Variants in BICRAL observed in about 807,000 individuals in gnomAD.
The protein encoded by BICRAL is BRD4-interacting chromatin-remodeling complex-associated protein-like.
A neutral mutation model predicts 91.8 loss-of-function variants in BICRAL; 8 were observed. The ratio of observed to expected loss-of-function variants is 0.09; its 90% confidence interval spans 0.05 to 0.16. BICRAL has a LOEUF of 0.16. Ranked by LOEUF, BICRAL falls within the 10% of genes least tolerant of loss-of-function variation. The pLI is 1.00. For synonymous variants in BICRAL, 445 were observed against 491.1 expected, an observed-to-expected ratio of 0.91 and a Z score of 1.24; for missense variants, 1,038 against 1,310.9, an observed-to-expected ratio of 0.79 and a Z score of 3.21.
upstream of BICRAL, among the ~76,000 whole-genome samples, chr6:42,780,334 T>G (rs140846460): frequency 1.3e-5 from 2 of 152,282 alleles, no homozygotes; most frequent in Non-Finnish European, 2.9e-5. Flanking sequence ...CATTTTTTTT[T>G]AATGCTTAAG....
chr6:42,778,694 T>C (rs1295198157), upstream of BICRAL, among the ~76,000 whole-genome samples: 6 of 152,134 alleles, frequency 3.9e-5, no homozygotes, highest in East Asian at 1.9e-4. Flanking sequence ...ACTGTTTTAT[T>C]GGAGGGCCCA....
At chr6:42,804,341 G>C (rs1286634377) in intron 1 of BICRAL, among the ~76,000 whole-genome samples, 9 of 152,128 alleles carry the variant, frequency 5.9e-5, no homozygotes, top group African/African-American at 1.9e-4. Context: ...ACTCTTAAGG[G>C]ACCATAATCA....
At chr6:42,847,903 G>A (rs1765066289) in intron 6 of BICRAL, among the ~76,000 whole-genome samples, 2 of 152,266 alleles carry the variant, frequency 1.3e-5, no homozygotes, top group South Asian at 2.1e-4. Context: ...GCCGAGGCGG[G>A]CGGATCATGA....
At chr6:42,805,190 T>C (rs1394683679) in intron 1 of BICRAL, among the ~76,000 whole-genome samples, 1 of 152,210 alleles carries the variant, frequency 6.6e-6, no homozygotes, top group Non-Finnish European at 1.5e-5. Flanking sequence ...GAATAATGGT[T>C]GTATTTTCAG....
intron 1 of BICRAL, among the ~76,000 whole-genome samples, chr6:42,776,261 A>G (rs553506300): frequency 6.6e-6 from 1 of 151,684 alleles, no homozygotes; most frequent in African/African-American, 2.4e-5. Context: ...CTGGTCTTGA[A>G]CTCCTGACAT....
chr6:42,843,612 C>T (rs559993633), intron 6 of BICRAL, among the ~76,000 whole-genome samples: 1 of 152,214 alleles, frequency 6.6e-6, no homozygotes, highest in East Asian at 1.9e-4. Flanking sequence ...GACAGTGACA[C>T]ACAGGTTCAC....
At chr6:42,832,268 G>T (rs957539715) in intron 6 of BICRAL, among the ~76,000 whole-genome samples, 1 of 150,918 alleles carries the variant, frequency 6.6e-6, no homozygotes, top group Admixed American at 6.6e-5. Flanking sequence ...GAATCACTTG[G>T]ACCTGGGAGG....
intron 9 of BICRAL, among the ~76,000 whole-genome samples, chr6:42,856,321 T>C (rs28548586): frequency 6.8e-6 from 1 of 147,104 alleles, no homozygotes. Context: ...TGTCTCAAAA[T>C]ATATACATAT....
chr6:42,857,636 T>TG, intron 10 of BICRAL, among the ~76,000 whole-genome samples: 1 of 102,054 alleles, frequency 9.8e-6, no homozygotes. Context: ...TATATATATA[T>TG]TTTTTAGGAG....
At chr6:42,817,267 C>T (rs1243270944) in intron 2 of BICRAL, among the ~76,000 whole-genome samples, 1 of 151,636 alleles carries the variant, frequency 6.6e-6, no homozygotes, top group South Asian at 2.1e-4. Flanking sequence ...GACCATATAT[C>T]CTACCAAGTT....
At chr6:42,828,041 G>A (rs1350483669) in intron 5 of BICRAL, among the ~76,000 whole-genome samples, 1 of 152,166 alleles carries the variant, frequency 6.6e-6, no homozygotes, top group Non-Finnish European at 1.5e-5. Context: ...TCATTATGAT[G>A]GAAATAAAAT....
At chr6:42,786,422 A>G (rs527519288) in intron 1 of BICRAL, among the ~76,000 whole-genome samples, 88 of 152,274 alleles carry the variant, frequency 5.8e-4, no homozygotes, top group African/African-American at 2.1e-3. Context: ...TTTTTATGGT[A>G]AATGCCAAAG....
At chr6:42,759,663 G>T (rs1762516597) in intron 1 of BICRAL, among the ~76,000 whole-genome samples, 1 of 152,180 alleles carries the variant, frequency 6.6e-6, no homozygotes, top group South Asian at 2.1e-4. Context: ...TACACATGCT[G>T]CTTGCTCCTG....
At chr6:42,773,017 C>T (rs760763127) in intron 1 of BICRAL, among the ~76,000 whole-genome samples, 2 of 151,922 alleles carry the variant, frequency 1.3e-5, no homozygotes, top group East Asian at 1.9e-4. Flanking sequence ...ACCCAATAAC[C>T]CAATGAGGTC....
chr6:42,822,348 C>G (rs1278768430), intron 3 of BICRAL, among the ~76,000 whole-genome samples: 2 of 151,540 alleles, frequency 1.3e-5, no homozygotes, highest in African/African-American at 4.8e-5. Flanking sequence ...CCACACGATC[C>G]TCCCACCTCA....
At chr6:42,834,737 T>C (rs1764593019) in intron 6 of BICRAL, among the ~76,000 whole-genome samples, 1 of 152,226 alleles carries the variant, frequency 6.6e-6, no homozygotes, top group Non-Finnish European at 1.5e-5. Flanking sequence ...CCAAATTGGC[T>C]GCTCATCCTT....
intron 1 of BICRAL, among the ~76,000 whole-genome samples, chr6:42,756,122 T>C (rs1035383214): frequency 2.0e-5 from 3 of 152,248 alleles, no homozygotes; most frequent in African/African-American, 7.2e-5. Context: ...CAATAGACTT[T>C]TAAAACAATA....
chr6:42,841,266 G>A (rs1226805425), intron 6 of BICRAL, among the ~76,000 whole-genome samples: 1 of 136,772 alleles, frequency 7.3e-6, no homozygotes, highest in Non-Finnish European at 1.5e-5. Flanking sequence ...TTGGCTCACT[G>A]CAACCTCCAC....
intron 1 of BICRAL, among the ~76,000 whole-genome samples, chr6:42,792,271 A>G (rs1393769518): frequency 6.6e-6 from 1 of 151,948 alleles, no homozygotes; most frequent in Non-Finnish European, 1.5e-5. Flanking sequence ...TTTTCTTATG[A>G]ACATTTTTGG....
Sources: gnomAD v4.1 joint callset for allele counts (sites outside exome capture counted in the v4.1 genomes callset) on GRCh38, gnomAD v4.1.1 for gene constraint, MANE v1.5 for transcripts, NCBI Gene and HGNC (gene_info 2026-07-23, HGNC 2026-07-21) for gene names.